Variants in CFAP47 observed in about 807,000 individuals in gnomAD.
The protein encoded by CFAP47 is cilia- and flagella-associated protein 47.
CFAP47 carries 29 observed loss-of-function variants against 148.1 expected under a neutral mutation model. That is an observed-to-expected ratio of 0.20 (90% CI 0.15 to 0.27). The LOEUF is 0.27. CFAP47 is among the 10% of genes least tolerant of loss of function. The pLI, the probability that CFAP47 is intolerant of heterozygous loss-of-function variation, is 1.00. For synonymous variants in CFAP47, 664 were observed against 577.3 expected (o/e 1.15, Z -2.15); for missense variants, 1,872 against 1,697.5 (o/e 1.10, Z -1.81).
At position 35,924,248 on chromosome X, in the gene CFAP47, CATATGGACATGTATGTGT is replaced by C. The variant is rs1569201653; in HGVS notation, c.250-1767_250-1750del. Among the ~76,000 whole-genome samples, 230 of 84,600 alleles carry C rather than the reference CATATGGACATGTATGTGT, an allele frequency of 2.7e-3. 24 individuals are homozygous for C. The highest frequency in any genetic ancestry group is 0.014 in the African/African-American group (221 of 16,048). 73.5% of individuals were successfully genotyped at this position (84,600 alleles called of 115,157 possible). A position where few individuals can be genotyped will look rare whatever the true frequency, so the allele number is the denominator to read the frequency against. On this transcript the variant is annotated intron_variant, in intron 1 of 63. Coordinates refer to ENST00000378653, the MANE Select transcript of CFAP47 (RefSeq NM_001304548.2). ...GTGTATATATGGACATGTATGTGTGCATATGGACATGTATGTGTACATGTATGTGTATATGTACATGTA... is the reference window on the plus strand; with the variant it reads ...GTGTATATATGGACATGTATGTGTGCACATGTATGTGTATATGTACATGTA...
At chrX:35,937,115 T>G (rs1441882227) in intron 2 of CFAP47, among the ~76,000 whole-genome samples, 2 of 63,256 alleles carry the variant, frequency 3.2e-5, no homozygotes, top group African/African-American at 1.7e-4. Context: ...TTTTTTTTTT[T>G]TTTTTTTTTT....
intron 44 of CFAP47, among the ~76,000 whole-genome samples, chrX:36,202,778 G>C (rs1301349344): frequency 9.2e-6 from 1 of 108,564 alleles, no homozygotes; most frequent in East Asian, 2.9e-4. Context: ...TTGGGAGGCC[G>C]AGACAGGAGA....
chrX:36,207,135 G>A (rs1422342665), intron 45 of CFAP47, among the ~76,000 whole-genome samples: 1 of 111,950 alleles, frequency 8.9e-6, no homozygotes, highest in Non-Finnish European at 1.9e-5. Flanking sequence ...ATAATGAAAA[G>A]GAATGGGATG....
Position 35,966,570 on chromosome X carries a change from G to T in CFAP47, c.1416G>T (p.Val472=). The T allele has an allele frequency of 9.7e-7, 1 of 1,030,183 alleles. No individual in the cohort carries two copies. Among genetic ancestry groups the T allele is most frequent in the Non-Finnish European group, 1.3e-6 (1 of 791,205 alleles). The allele number at this position is 1,030,183 out of a possible 1,213,427, so 84.9% of individuals were successfully genotyped here. The change falls in exon 9 of 64, where the codon GTG becomes GTT. Residue 472 remains valine, a synonymous_variant. Coordinates refer to ENST00000378653, the MANE Select transcript of CFAP47 (RefSeq NM_001304548.2). ...TTTTCATCTTTTTTTTTTAGGATGT[G>T]ATGTGTTCATTTGTTCCACATCAAC... ...GKITGGGMVD[V]MCSFVPHQLG... is the part of the protein sequence containing the mutation.
At chrX:36,285,300 G>T (rs1367758229) in intron 50 of CFAP47, among the ~76,000 whole-genome samples, 2 of 111,345 alleles carry the variant, frequency 1.8e-5, no homozygotes, top group African/African-American at 6.5e-5. Flanking sequence ...TGAGAAAAAA[G>T]ATTGGTTATT....
intron 32 of CFAP47, among the ~76,000 whole-genome samples, chrX:36,101,494 C>T (rs1473199105): frequency 9.0e-6 from 1 of 111,545 alleles, no homozygotes; most frequent in East Asian, 2.8e-4. Flanking sequence ...ATGCAGCACC[C>T]TCAGAGTAAT....
chrX:35,990,213 A>G (rs948688196), intron 16 of CFAP47: 4 of 111,451 alleles, frequency 3.6e-5, no homozygotes, highest in Non-Finnish European at 7.5e-5. Flanking sequence ...TATTATTCCA[A>G]TTACCTGGAT....
Position 35,967,637 on chromosome X carries a change from G to A in CFAP47, c.1619G>A (p.Arg540His), listed in dbSNP as rs144671147. 5.6e-5 allele frequency: 67 copies of A among 1,204,258 alleles called. No individual in the cohort carries two copies. In the South Asian group the frequency reaches 9.4e-4, roughly 17 times the overall value. ...ATAAAAGGTATATTGCCTTCGATCC[G>A]TAATCCCACGGGAAAGTTTGTGGTC... ...KFDPGILPSI[R>H]NPTGKFVVKD... Residue 540 changes from arginine to histidine, a missense_variant, in exon 10 of 64, where the codon CGT becomes CAT. Coordinates refer to ENST00000378653, the MANE Select transcript of CFAP47 (RefSeq NM_001304548.2).
chrX:36,354,325 T>TA (rs1377435598), intron 60 of CFAP47, among the ~76,000 whole-genome samples: 1 of 107,768 alleles, frequency 9.3e-6, no homozygotes, highest in Non-Finnish European at 1.9e-5. Context: ...ACTAACAATA[T>TA]AAAAAATTAG....
intron 26 of CFAP47, among the ~76,000 whole-genome samples, chrX:36,056,407 G>C (rs1315192778): frequency 9.0e-6 from 1 of 111,454 alleles, no homozygotes; most frequent in African/African-American, 3.3e-5. Context: ...CTTTACAAAG[G>C]GCTTCGCAGA....
intron 2 of CFAP47, among the ~76,000 whole-genome samples, chrX:35,927,630 C>T (rs1033817596): frequency 9.4e-6 from 1 of 106,109 alleles, no homozygotes; most frequent in African/African-American, 3.7e-5. Context: ...TGTGTGTGTG[C>T]ATGTGTGTTA....
chrX:35,924,161 G>T lies in CFAP47; in HGVS notation c.250-1856G>T, dbSNP rs547694831. ...TGTGTACATGTATGCGTACATATAT[G>T]TATATATGTACATGTATGCGTACAT... On this transcript the variant is annotated intron_variant, in intron 1 of 63. Coordinates refer to ENST00000378653, the MANE Select transcript of CFAP47 (RefSeq NM_001304548.2). Among the ~76,000 whole-genome samples, 7 of 101,780 alleles carry T rather than the reference G, an allele frequency of 6.9e-5. No homozygotes were observed. In the South Asian group the frequency reaches 3.0e-3, roughly 43 times the overall value. The allele number at this position is 101,780 out of a possible 115,157, so 88.4% of individuals were successfully genotyped here. A position where few individuals can be genotyped will look rare whatever the true frequency, so the allele number is the denominator to read the frequency against.
intron 33 of CFAP47, among the ~76,000 whole-genome samples, chrX:36,129,226 C>A (rs183857616): frequency 1.8e-5 from 2 of 110,519 alleles, no homozygotes; most frequent in African/African-American, 6.5e-5. Context: ...TTTTATAATA[C>A]TAGCACAAAA....
chrX:36,099,691 A>C (rs1938340116), intron 31 of CFAP47, 60 bp from the exon 32 acceptor site: 2 of 521,876 alleles, frequency 3.8e-6, no homozygotes, highest in South Asian at 3.7e-5. Context: ...GAAAAAAAAA[A>C]CTCATATGCT....
intron 49 of CFAP47, among the ~76,000 whole-genome samples, chrX:36,254,446 C>T (rs1182287651): frequency 2.7e-5 from 3 of 109,882 alleles, no homozygotes; most frequent in Non-Finnish European, 3.8e-5. Context: ...GCTGAGGAGG[C>T]AAGAGGTATG....
At chrX:36,186,896 T>G (rs963068823) in intron 40 of CFAP47, among the ~76,000 whole-genome samples, 5 of 110,931 alleles carry the variant, frequency 4.5e-5, no homozygotes, top group African/African-American at 1.6e-4. Context: ...TTTGATTCTA[T>G]TTTTTCCCTA....
At chrX:36,317,575 AT>A (rs782049017) in intron 56 of CFAP47, among the ~76,000 whole-genome samples, 2,643 of 88,594 alleles carry the variant, frequency 0.03, 32 homozygotes, top group Middle Eastern at 0.06. Flanking sequence ...ACACCCAGCT[AT>A]TTTTTTTTTT....
chrX:36,128,368 C>A (rs186193528), intron 33 of CFAP47, among the ~76,000 whole-genome samples: 86 of 111,407 alleles, frequency 7.7e-4, no homozygotes, highest in African/African-American at 2.6e-3. Context: ...AACTCCTACA[C>A]TGTAAGTGAA....
Position 36,292,915 on chromosome X carries a change from A to ATT in CFAP47, c.7687-6061_7687-6060dup, listed in dbSNP as rs1194447805. Among the ~76,000 whole-genome samples, 3 of 111,374 alleles carry ATT rather than the reference A, an allele frequency of 2.7e-5. 1 individual carries two copies. Among genetic ancestry groups the ATT allele is most frequent in the East Asian group, 5.6e-4 (2 of 3,594 alleles). On this transcript the variant is annotated intron_variant, in intron 51 of 63. Coordinates refer to ENST00000378653, the MANE Select transcript of CFAP47 (RefSeq NM_001304548.2). ...ATCCAAAATATCAGACATATCAATAATTATATATAATATGTAATATGTAAT... is the reference window on the plus strand; with the variant it reads ...ATCCAAAATATCAGACATATCAATAATTTTATATATAATATGTAATATGTAAT...
Sources: gnomAD v4.1 joint callset for allele counts (sites outside exome capture counted in the v4.1 genomes callset) on GRCh38, gnomAD v4.1.1 for gene constraint, MANE v1.5 for transcripts, NCBI Gene and HGNC (gene_info 2026-07-23, HGNC 2026-07-21) for gene names.